The following GSE1 variants were observed in gnomAD, a reference collection of about 807,000 sequenced individuals.
The protein encoded by GSE1 is genetic suppressor element 1.
Under a neutral mutation model 112.6 loss-of-function variants are expected in GSE1, and 32 were observed. That is an observed-to-expected ratio of 0.28 (90% CI 0.21 to 0.38). The LOEUF (loss-of-function observed/expected upper bound fraction) is 0.38. Ranked by LOEUF, GSE1 falls within the 10% of genes least tolerant of loss-of-function variation. The pLI, the probability that GSE1 is intolerant of heterozygous loss-of-function variation, is 1.00. For synonymous variants in GSE1, 1,115 were observed against 735.6 expected (o/e 1.52, Z -8.35); for missense variants, 2,348 against 1,699.2 (o/e 1.38, Z -6.71).
chr16:85,442,971 C>G (rs1007285668), intron 2 of GSE1, among the ~76,000 whole-genome samples: 1 of 152,174 alleles, frequency 6.6e-6, no homozygotes, highest in Non-Finnish European at 1.5e-5. Context: ...TCACCCTGAC[C>G]CCTGGCTCCG....
At chr16:85,172,183 G>C (rs1394511162) in intron 1 of GSE1, among the ~76,000 whole-genome samples, 2 of 152,224 alleles carry the variant, frequency 1.3e-5, no homozygotes, top group African/African-American at 4.8e-5. Context: ...TAGTCCAGCC[G>C]TGCGGGTCAC....
intron 1 of GSE1, among the ~76,000 whole-genome samples, chr16:85,300,932 G>A (rs570231050): frequency 6.6e-6 from 1 of 152,220 alleles, no homozygotes; most frequent in Non-Finnish European, 1.5e-5. Flanking sequence ...GGGGACTGGG[G>A]GCTGGAGAAG....
chr16:85,511,267 C>T (rs2051735752), intron 2 of GSE1, among the ~76,000 whole-genome samples: 1 of 152,252 alleles, frequency 6.6e-6, no homozygotes, highest in Admixed American at 6.5e-5. Context: ...TGGCTCACGC[C>T]TGTAATCCCA....
intron 1 of GSE1, among the ~76,000 whole-genome samples, chr16:85,571,416 G>A (rs750409133): frequency 9.2e-5 from 14 of 152,276 alleles, no homozygotes; most frequent in South Asian, 2.1e-4. Flanking sequence ...CAACAGCCAC[G>A]TGCGGATGGA....
intron 2 of GSE1, among the ~76,000 whole-genome samples, chr16:85,637,494 G>A (rs576360452): frequency 9.9e-5 from 15 of 151,346 alleles, no homozygotes; most frequent in East Asian, 3.9e-4. Context: ...GCTATGTATC[G>A]AGTCCCCCCT....
At chr16:85,224,824 C>T (rs919726559) in intron 1 of GSE1, among the ~76,000 whole-genome samples, 15 of 131,640 alleles carry the variant, frequency 1.1e-4, no homozygotes, top group African/African-American at 4.4e-4. Flanking sequence ...CCTGTCTCTA[C>T]TAAAAATACA....
At chr16:85,192,282 C>CT (rs1410394380) in intron 1 of GSE1, among the ~76,000 whole-genome samples, 1 of 152,242 alleles carries the variant, frequency 6.6e-6, no homozygotes, top group African/African-American at 2.4e-5. Flanking sequence ...GGCTCTACCC[C>CT]TTGCTAGCTG....
chr16:85,486,177 TC>T (rs780100929), intron 2 of GSE1, among the ~76,000 whole-genome samples: 3 of 152,106 alleles, frequency 2.0e-5, no homozygotes, highest in Non-Finnish European at 4.4e-5. Flanking sequence ...ACTCCCTTCC[TC>T]CCTGCCTGCC....
Position 85,381,270 on chromosome 16 carries a change from C to T in GSE1, c.2464+23627C>T, listed in dbSNP as rs370927306. ...GTGTCTTCCAGGTTCATCCACGTTG[C>T]GGCCCGAATCCGAACTTCATCCCTT... On this transcript the variant is annotated intron_variant, in intron 2 of 2. Transcript: ENST00000637419. Among the ~76,000 whole-genome samples, 6 of 152,332 alleles carry T rather than the reference C, an allele frequency of 3.9e-5. No homozygotes were observed. In the South Asian group the frequency reaches 1.0e-3, roughly 26 times the overall value.
chr16:85,331,699 ATATATATATTT>A (rs1567693496), intron 1 of GSE1, among the ~76,000 whole-genome samples: 1 of 59,328 alleles, frequency 1.7e-5, no homozygotes, highest in Non-Finnish European at 3.6e-5. Context: ...ATATATATAT[ATATATATATTT>A]TTTTTTTTTT....
chr16:85,589,120 C>G (rs934361992), intron 1 of GSE1, among the ~76,000 whole-genome samples: 2 of 152,178 alleles, frequency 1.3e-5, no homozygotes, highest in Non-Finnish European at 1.5e-5. Context: ...CCTCCCTCCT[C>G]TCTGCCCAGC....
At chr16:85,514,303 C>T (rs2051845344) in intron 2 of GSE1, among the ~76,000 whole-genome samples, 1 of 150,002 alleles carries the variant, frequency 6.7e-6, no homozygotes, top group African/African-American at 2.5e-5. Flanking sequence ...GGGCCAGGAA[C>T]CCCCAGGCCT....
chr16:85,612,595 C>T (rs796648935), upstream of GSE1, among the ~76,000 whole-genome samples: 9 of 151,020 alleles, frequency 6.0e-5, 2 homozygotes, highest in African/African-American at 1.9e-4. Flanking sequence ...CAATTGTGGC[C>T]TTCCCAAAAG....
chr16:85,655,705 A>T (rs1189942022), intron 5 of GSE1, 21 bp from the exon 6 acceptor site: 1 of 1,550,202 alleles, frequency 6.5e-7, no homozygotes, highest in African/African-American at 1.4e-5. Context: ...TGCTGCTCAC[A>T]GCCCCGTCTT....
chr16:85,240,096 C>G (rs931937526), intron 1 of GSE1, among the ~76,000 whole-genome samples: 1 of 152,274 alleles, frequency 6.6e-6, no homozygotes, highest in Non-Finnish European at 1.5e-5. Context: ...CTGAATCTCT[C>G]TGAGCCTCAA....
intron 1 of GSE1, among the ~76,000 whole-genome samples, chr16:85,246,494 C>CACACACACA (rs1567636399): frequency 7.5e-5 from 6 of 79,712 alleles, no homozygotes; most frequent in Non-Finnish European, 1.8e-4. Context: ...CACACACACT[C>CACACACACA]TACACACCCC....
At chr16:85,647,401 C>T (rs1488214642) in intron 2 of GSE1, among the ~76,000 whole-genome samples, 3 of 152,206 alleles carry the variant, frequency 2.0e-5, no homozygotes, top group African/African-American at 7.2e-5. Context: ...CCTAGGCAAA[C>T]CTCCTGATGT....
At chr16:85,488,081 G>A (rs1010665914) in intron 2 of GSE1, among the ~76,000 whole-genome samples, 2 of 152,248 alleles carry the variant, frequency 1.3e-5, no homozygotes, top group Non-Finnish European at 2.9e-5. Context: ...GGCTGTCCTC[G>A]CTGTGACCTT....
intron 1 of GSE1, among the ~76,000 whole-genome samples, chr16:85,178,343 T>C (rs2074510661): frequency 6.6e-6 from 1 of 151,928 alleles, no homozygotes; most frequent in South Asian, 2.1e-4. Context: ...TGGCGAACAG[T>C]CATTCTGCAT....
Sources: gnomAD v4.1 joint callset for allele counts (sites outside exome capture counted in the v4.1 genomes callset) on GRCh38, gnomAD v4.1.1 for gene constraint, MANE v1.5 for transcripts, NCBI Gene and HGNC (gene_info 2026-07-23, HGNC 2026-07-21) for gene names.